The following ESRP1 variants were observed in gnomAD, a reference collection of about 807,000 sequenced individuals.
ESRP1 encodes RNA-binding motif protein 35A.
ESRP1 carries 33 observed loss-of-function variants against 81.7 expected under a neutral mutation model. The observed-to-expected ratio is 0.40, with a 90% CI of 0.31 to 0.54. The LOEUF (loss-of-function observed/expected upper bound fraction) is 0.54. Ranked by LOEUF, ESRP1 falls within the 20% of genes least tolerant of loss-of-function variation. The pLI is 0.41. For missense variants in ESRP1, 672 were observed against 833.1 expected (o/e 0.81, Z 2.38); for synonymous variants, 320 against 303.3 (o/e 1.06, Z -0.57).
chr8:94,654,352 T>G (rs1011901918), intron 4 of ESRP1, among the ~76,000 whole-genome samples: 3 of 152,068 alleles, frequency 2.0e-5, no homozygotes, highest in Non-Finnish European at 4.4e-5. Flanking sequence ...AAAATGGGAG[T>G]TTGGAAATTC....
intron 13 of ESRP1, among the ~76,000 whole-genome samples, chr8:94,682,427 C>T (rs996188118): frequency 1.3e-5 from 2 of 152,140 alleles, no homozygotes; most frequent in Admixed American, 6.5e-5. Flanking sequence ...AGTGCAGTGG[C>T]GCTACCATGG....
At chr8:94,646,663 A>G (rs945480189) in intron 4 of ESRP1, among the ~76,000 whole-genome samples, 2 of 152,098 alleles carry the variant, frequency 1.3e-5, no homozygotes, top group Non-Finnish European at 2.9e-5. Flanking sequence ...GAAGTCAATA[A>G]TTTTTTTAAT....
chr8:94,643,452 A>G, intron 3 of ESRP1, 36 bp downstream of exon 3: 1 of 1,434,686 alleles, frequency 7.0e-7, no homozygotes, highest in Non-Finnish European at 9.8e-7. Context: ...AAATGGTTGG[A>G]GCTTTGGGGT....
In ESRP1 at chr8:94,665,205, C is replaced by T. The variant is rs1818959026; in HGVS notation, c.931+9C>T. On this transcript the variant is annotated intron_variant, in intron 9 of 15. Coordinates refer to ENST00000433389, the MANE Select transcript of ESRP1 (RefSeq NM_017697.4). Reference sequence around the variant, plus strand: ...CCTTAAAATTGCTGGTGGTAAGTGCCTTTTACATAATGTGGCTTTAGTTAA... The same window carrying T: ...CCTTAAAATTGCTGGTGGTAAGTGCTTTTTACATAATGTGGCTTTAGTTAA... 1 of 1,611,224 alleles carries T rather than the reference C, an allele frequency of 6.2e-7. No individual in the cohort carries two copies. The highest frequency in any genetic ancestry group is 8.5e-7 in the Non-Finnish European group (1 of 1,178,684).
chr8:94,646,334 AGG>A, intron 4 of ESRP1, 52 bp downstream of exon 4: 154 of 1,251,748 alleles, frequency 1.2e-4, no homozygotes, highest in Non-Finnish European at 1.5e-4. Context: ...GTTCCAGAAA[AGG>A]TAATTCAAGA....
intron 4 of ESRP1, among the ~76,000 whole-genome samples, chr8:94,653,969 G>T (rs1417320476): frequency 6.6e-6 from 1 of 152,164 alleles, no homozygotes; most frequent in East Asian, 1.9e-4. Context: ...TAGAAATACT[G>T]CATATTCCTT....
intron 13 of ESRP1, among the ~76,000 whole-genome samples, chr8:94,692,264 C>T (rs1809432099): frequency 6.6e-6 from 1 of 152,070 alleles, no homozygotes; most frequent in Non-Finnish European, 1.5e-5. Flanking sequence ...ACTTTGGATA[C>T]TTCTGGTCTC....
At chr8:94,657,002 AGT>A in intron 4 of ESRP1, among the ~76,000 whole-genome samples, 1 of 152,256 alleles carries the variant, frequency 6.6e-6, no homozygotes, top group East Asian at 1.9e-4. Flanking sequence ...AGCTAATGTA[AGT>A]GTGGATTAAA....
chr8:94,678,193 G>T lies in ESRP1; in HGVS notation c.1652-10G>T. On this transcript the variant is annotated splice_polypyrimidine_tract_variant and intron_variant, in intron 12 of 15. Coordinates refer to ENST00000433389, the MANE Select transcript of ESRP1 (RefSeq NM_017697.4). ...AATATGTCTCAAAGAATCTCTCTTT[G>T]CATATCTAGGCCTGTCTCCTCCCTC... 1 of 1,613,210 alleles carries T rather than the reference G, an allele frequency of 6.2e-7. No homozygotes were observed. The highest frequency in any genetic ancestry group is 8.5e-7 in the Non-Finnish European group (1 of 1,179,522).
chr8:94,705,701 A>G (rs1810043187), intron 15 of ESRP1: 5 of 520,032 alleles, frequency 9.6e-6, no homozygotes, highest in Admixed American at 3.6e-5. Flanking sequence ...CAGAACGCCA[A>G]CTACTGTGTA....
At chr8:94,647,539 C>T (rs1817911217) in intron 4 of ESRP1, among the ~76,000 whole-genome samples, 1 of 152,130 alleles carries the variant, frequency 6.6e-6, no homozygotes, top group South Asian at 2.1e-4. Flanking sequence ...TAGCCAGCCA[C>T]CTTTTCTGGG....
rs555945577 is a variant in ESRP1, at chr8:94,642,658, G to A, written c.261+574G>A. On this transcript the variant is annotated intron_variant, in intron 2 of 15. Transcript: ENST00000433389. ...GGTTTTTCAGGTCCGAACGTGCAAG[G>A]CTGCCCGTTGTGTCACTGCGGAACT... is the stretch of plus-strand genomic sequence containing the variant. Among the ~76,000 whole-genome samples, 70 of 152,302 alleles carry A rather than the reference G, an allele frequency of 4.6e-4. 1 individual carries two copies. The highest frequency in any genetic ancestry group is 1.7e-3 in the African/African-American group (70 of 41,568).
chr8:94,669,351 CTTAA>C (rs1410721997), intron 10 of ESRP1, among the ~76,000 whole-genome samples: 4 of 152,132 alleles, frequency 2.6e-5, no homozygotes, highest in Admixed American at 6.5e-5. Flanking sequence ...AGGATACTTA[CTTAA>C]TTATTTCTGT....
chr8:94,643,148 C>T (rs1459545413), intron 2 of ESRP1, among the ~76,000 whole-genome samples, 155 bp from the exon 3 acceptor site: 2 of 152,194 alleles, frequency 1.3e-5, no homozygotes, highest in South Asian at 2.1e-4. Flanking sequence ...CTAGACGGTT[C>T]GTGGGAAAGG....
chr8:94,687,632 T>G (rs1238676874), intron 13 of ESRP1, among the ~76,000 whole-genome samples: 4 of 152,194 alleles, frequency 2.6e-5, no homozygotes, highest in African/African-American at 9.6e-5. Flanking sequence ...GGGTGTGGGT[T>G]TGCTATCTCA....
At chr8:94,651,143 A>G (rs7827723) in intron 4 of ESRP1, among the ~76,000 whole-genome samples, 21,022 of 151,846 alleles carry the variant, frequency 0.14, 1,837 homozygotes, top group Non-Finnish European at 0.2. Flanking sequence ...AGGGAAAGCA[A>G]TGAGGCCTTG....
chr8:94,678,601 C>G (rs548965046), intron 13 of ESRP1, among the ~76,000 whole-genome samples: 3 of 152,358 alleles, frequency 2.0e-5, no homozygotes, highest in Admixed American at 2.0e-4. Context: ...ATGTCTACAG[C>G]TTTCCTTTTT....
At chr8:94,661,650 A>G (rs1017062857) in intron 4 of ESRP1, among the ~76,000 whole-genome samples, 35 of 152,348 alleles carry the variant, frequency 2.3e-4, no homozygotes, top group African/African-American at 8.2e-4. Flanking sequence ...ACTTTTGGTA[A>G]AGAAGCACAT....
Position 94,678,295 on chromosome 8 carries a change from C to A in ESRP1, c.1744C>A (p.Arg582=). Reference sequence around the variant, plus strand: ...CCAGCCCTCTGTGATTTTGAATCCACGAGCACTGCAGCCCTCCACAGCGTA... The same window carrying A: ...CCAGCCCTCTGTGATTTTGAATCCAAGAGCACTGCAGCCCTCCACAGCGTA... The part of the protein sequence containing the change: ...IYQPSVILNP[R]ALQPSTAYYP... Residue 582 remains arginine, a synonymous_variant, in exon 13 of 16, where the codon CGA becomes AGA. Transcript: ENST00000433389. The A allele has an allele frequency of 6.2e-7, 1 of 1,614,008 alleles. No individual in the cohort carries two copies. Among genetic ancestry groups the A allele is most frequent in the African/African-American group, 1.3e-5 (1 of 75,048 alleles).
Sources: allele counts gnomAD v4.1 joint callset (sites outside exome capture counted in the v4.1 genomes callset), GRCh38; gene constraint gnomAD v4.1.1; transcripts MANE v1.5; gene names NCBI Gene and HGNC (gene_info 2026-07-23, HGNC 2026-07-21).